Variants in DRD3 observed in about 807,000 individuals in gnomAD.
DRD3 encodes dopamine receptor D3, also known as D(3) dopamine receptor.
DRD3 carries 19 observed loss-of-function variants against 36.3 expected under a neutral mutation model. That is an observed-to-expected ratio of 0.52 (90% CI 0.36 to 0.77). The LOEUF is 0.77. DRD3 is among the 30% of genes least tolerant of loss of function. The pLI is 0.00. For synonymous variants in DRD3, 195 were observed against 203.7 expected, an observed-to-expected ratio of 0.96 and a Z score of 0.36; for missense variants, 465 against 505.3, an observed-to-expected ratio of 0.92 and a Z score of 0.77.
intron 1 of DRD3, among the ~76,000 whole-genome samples, chr3:114,184,779 G>A (rs1012749473): frequency 3.3e-5 from 5 of 152,100 alleles, no homozygotes; most frequent in African/African-American, 1.2e-4. Context: ...GGCCAGGCTG[G>A]TCTCGAACTC....
intron 1 of DRD3, among the ~76,000 whole-genome samples, chr3:114,172,311 G>A (rs546525006): frequency 1.2e-4 from 19 of 152,300 alleles, no homozygotes; most frequent in African/African-American, 4.3e-4. Flanking sequence ...AATCAGAGAG[G>A]CAGGTAAGTA....
At chr3:114,160,949 TATATA>T (rs1299034799) in intron 2 of DRD3, among the ~76,000 whole-genome samples, 1 of 152,236 alleles carries the variant, frequency 6.6e-6, no homozygotes, top group Non-Finnish European at 1.5e-5. Flanking sequence ...GTCAGGAATT[TATATA>T]ATATCATTTA....
chr3:114,162,391 G>T (rs923248479), intron 2 of DRD3, among the ~76,000 whole-genome samples: 2 of 152,204 alleles, frequency 1.3e-5, no homozygotes, highest in Non-Finnish European at 2.9e-5. Context: ...AGGGGATGGA[G>T]TTATTGTTAC....
intron 5 of DRD3, among the ~76,000 whole-genome samples, chr3:114,135,012 C>G (rs1053607039): frequency 5.3e-5 from 8 of 152,168 alleles, no homozygotes; most frequent in African/African-American, 1.9e-4. Context: ...CTATTAGACA[C>G]TAGAACTTGT....
In DRD3 at chr3:114,128,363, C is replaced by T. The variant is rs558042907; in HGVS notation, c.*353G>A. 1.9e-3 allele frequency among the ~76,000 whole-genome samples: 296 copies of T among 152,224 alleles called. 1 individual carries two copies. Among genetic ancestry groups the T allele is most frequent in the Admixed American group, 3.6e-3 (55 of 15,286 alleles). On this transcript the variant is annotated 3_prime_UTR_variant, in exon 7 of 7. Transcript: ENST00000383673. ...TGGTTTACTGGCTGATTTCAAGGACCCCTGCAAGTTGAGAATGATGAGATC... is the reference window on the plus strand; with the variant it reads ...TGGTTTACTGGCTGATTTCAAGGACTCCTGCAAGTTGAGAATGATGAGATC...
chr3:114,159,112 A>G (rs2077708456), intron 3 of DRD3, among the ~76,000 whole-genome samples: 1 of 152,152 alleles, frequency 6.6e-6, no homozygotes, highest in African/African-American at 2.4e-5. Context: ...ATAGAAAGCA[A>G]TGTTACTCAG....
In DRD3 at chr3:114,190,946, A is replaced by G. The variant is rs182019291; in HGVS notation, c.-156+8327T>C. Among the ~76,000 whole-genome samples the G allele has an allele frequency of 1.1e-3, 173 of 152,226 alleles. 5 individuals are homozygous for G. In the South Asian group the frequency reaches 0.022, roughly 20 times the overall value. ...GACTCTCCAGAGAAGCGGGGGATTG[A>G]TTTGGGCCTTATAGGGTATGGGAGT... On this transcript the variant is annotated intron_variant, in intron 1 of 7. Transcript: ENST00000460779.
chr3:114,164,220 CA>C (rs34500434), intron 2 of DRD3, among the ~76,000 whole-genome samples: 642 of 17,718 alleles, frequency 0.036, 1 homozygote, highest in African/African-American at 0.067. Flanking sequence ...GCCTCAGTCT[CA>C]AAAAAAAAAA....
At chr3:114,155,637 A>G (rs1464686895) in intron 3 of DRD3, among the ~76,000 whole-genome samples, 1 of 150,232 alleles carries the variant, frequency 6.7e-6, no homozygotes, top group Non-Finnish European at 1.5e-5. Flanking sequence ...AGGCTTGGAA[A>G]AGGGAGTGAT....
At chr3:114,182,066 G>C (rs1392213223), upstream of DRD3, among the ~76,000 whole-genome samples, 1 of 152,170 alleles carries the variant, frequency 6.6e-6, no homozygotes, top group African/African-American at 2.4e-5. Flanking sequence ...TAAACTGCAT[G>C]ATACTGATCT....
chr3:114,151,350 T>C (rs1454019885), intron 3 of DRD3, among the ~76,000 whole-genome samples: 4 of 152,204 alleles, frequency 2.6e-5, no homozygotes, highest in African/African-American at 9.7e-5. Flanking sequence ...CATAATGTCC[T>C]TTGATGTAAA....
At chr3:114,136,204 ACT>A (rs1255185060) in intron 5 of DRD3, among the ~76,000 whole-genome samples, 1 of 149,918 alleles carries the variant, frequency 6.7e-6, no homozygotes, top group South Asian at 2.1e-4. Flanking sequence ...ACAGAGTGAG[ACT>A]CTGTCTCAAA....
intron 3 of DRD3, among the ~76,000 whole-genome samples, chr3:114,156,759 C>CTT (rs1462837837): frequency 2.3e-4 from 24 of 106,542 alleles, no homozygotes; most frequent in Middle Eastern, 4.5e-3. Flanking sequence ...TTCTTTCTTT[C>CTT]TTTCTTTCTT....
rs149485192 is a variant in DRD3 at position 114,146,523 on chromosome 3, G to A, written c.526+892C>T. 6.2e-4 allele frequency among the ~76,000 whole-genome samples: 95 copies of A among 152,058 alleles called. 2 individuals carry two copies. The East Asian group carries it at 0.011, about 17-fold the overall frequency. ...ACTTGAGGTCAGGAGTTTGAGACCA[G>A]CCTGGCCAACAGGGTAAAATATAAA... On this transcript the variant is annotated intron_variant, in intron 4 of 6. Transcript: ENST00000383673.
chr3:114,156,516 T>G (rs2077669077), intron 3 of DRD3, among the ~76,000 whole-genome samples: 1 of 152,060 alleles, frequency 6.6e-6, no homozygotes, highest in African/African-American at 2.4e-5. Context: ...TGTTTCCTCC[T>G]ATTTATTTTA....
intron 3 of DRD3, among the ~76,000 whole-genome samples, chr3:114,156,791 CTTTCTTTCT>C (rs2077680238): frequency 1.2e-5 from 1 of 81,692 alleles, no homozygotes; most frequent in Non-Finnish European, 2.6e-5. Flanking sequence ...TTCTTTCTTT[CTTTCTTTCT>C]CTTTTCTTTT....
intron 1 of DRD3, among the ~76,000 whole-genome samples, chr3:114,194,826 A>T (rs1052292223): frequency 2.1e-5 from 3 of 144,310 alleles, no homozygotes; most frequent in Non-Finnish European, 4.6e-5. Flanking sequence ...TCTTGCAAAG[A>T]TTTTTTTTTT....
chr3:114,150,680 G>A (rs1271985488), intron 3 of DRD3, among the ~76,000 whole-genome samples: 1 of 152,106 alleles, frequency 6.6e-6, no homozygotes, highest in African/African-American at 2.4e-5. Context: ...TTTTTGTCTT[G>A]TCAGTTTCCA....
At chr3:114,171,592 A>T in intron 2 of DRD3, 131 bp downstream of exon 2, 3 of 1,175,750 alleles carry the variant, frequency 2.6e-6, no homozygotes, top group Non-Finnish European at 3.5e-6. Context: ...CATTACAGGG[A>T]GAATGAGAGC....
Sources: gnomAD v4.1 joint callset for allele counts (sites outside exome capture counted in the v4.1 genomes callset) on GRCh38, gnomAD v4.1.1 for gene constraint, MANE v1.5 for transcripts, NCBI Gene and HGNC (gene_info 2026-07-23, HGNC 2026-07-21) for gene names.